NUSAP1: variants seen among roughly 807,000 people sequenced by gnomAD.
The protein encoded by NUSAP1 is nucleolar and spindle associated protein 1, also known as nucleolar and spindle-associated protein 1.
NUSAP1 carries 32 observed loss-of-function variants against 52.8 expected under a neutral mutation model. The ratio of observed to expected loss-of-function variants is 0.61; its 90% CI spans 0.46 to 0.81. The LOEUF is 0.81. Among genes scored for constraint, NUSAP1 ranks in the 40% least tolerant of loss-of-function variants. NUSAP1 has a pLI of 0.00. For synonymous variants in NUSAP1, 195 were observed against 183.1 expected, an observed-to-expected ratio of 1.06 and a Z score of -0.52; for missense variants, 499 against 522.3, an observed-to-expected ratio of 0.96 and a Z score of 0.43.
At chr15:41,366,431 G>A (rs564886221) in intron 7 of NUSAP1, among the ~76,000 whole-genome samples, 5 of 151,646 alleles carry the variant, frequency 3.3e-5, no homozygotes, top group Non-Finnish European at 7.4e-5. Flanking sequence ...CTACAGGCAC[G>A]TACCACCACA....
chr15:41,352,625 G>T (rs1448105716), intron 4 of NUSAP1, among the ~76,000 whole-genome samples: 2 of 151,856 alleles, frequency 1.3e-5, no homozygotes, highest in East Asian at 1.9e-4. Context: ...GTCTTGCTCT[G>T]TTGCCCAGGC....
At chr15:41,376,356 AC>A (rs2049934660) in intron 9 of NUSAP1, among the ~76,000 whole-genome samples, 1 of 151,148 alleles carries the variant, frequency 6.6e-6, no homozygotes, top group Non-Finnish European at 1.5e-5. Flanking sequence ...CCGAGATTGC[AC>A]CACTACACTC....
intron 1 of NUSAP1, among the ~76,000 whole-genome samples, chr15:41,335,942 A>C (rs2048111299): frequency 6.6e-6 from 1 of 150,770 alleles, no homozygotes; most frequent in African/African-American, 2.4e-5. Context: ...AAATCTTGAT[A>C]ATTTTACTAG....
intron 2 of NUSAP1, among the ~76,000 whole-genome samples, chr15:41,346,378 C>T (rs1662639181): frequency 6.6e-6 from 1 of 152,044 alleles, no homozygotes; most frequent in Admixed American, 6.6e-5. Context: ...GTGGCATAAT[C>T]ATGGCTTGCT....
In NUSAP1 at chr15:41,380,314, A is replaced by G. The variant is rs538818561; in HGVS notation, c.*128A>G. The G allele has an allele frequency of 1.6e-5, 10 of 627,022 alleles. No homozygotes were observed. In the South Asian group the frequency reaches 2.0e-4, roughly 12 times the overall value. The allele number at this position is 627,022 out of a possible 1,614,324, so 38.8% of individuals were successfully genotyped here. On this transcript the variant is annotated 3_prime_UTR_variant, in exon 11 of 11. Transcript: ENST00000559596. ...TCTGCTAACTGTTCATAGTCTGTGT[A>G]GTGTCCATGGGTTCTTCATGTGCTA... is the stretch of plus-strand genomic sequence containing the variant.
At chr15:41,336,793 C>T (rs1328227821) in intron 1 of NUSAP1, among the ~76,000 whole-genome samples, 2 of 150,012 alleles carry the variant, frequency 1.3e-5, no homozygotes, top group Admixed American at 6.7e-5. Context: ...ATTACAGGCA[C>T]GTGCCACCAC....
chr15:41,343,899 G>A (rs746638459), intron 2 of NUSAP1, among the ~76,000 whole-genome samples: 2 of 151,808 alleles, frequency 1.3e-5, no homozygotes, highest in Non-Finnish European at 2.9e-5. Context: ...ATGGTTAAGG[G>A]TACATGATTG....
Position 41,375,801 on chromosome 15 carries a change from C to T in NUSAP1, c.1096C>T (p.Arg366Cys), listed in dbSNP as rs758959794. The stretch of plus-strand genomic sequence containing the variant: ...GTTTGATCTTAAAGCAAGTTTGTCT[C>T]GTCCCCTCAACTATGAACCACACAA... ...PVFDLKASLS[R>C]PLNYEPHKGK... Residue 366 changes from arginine (R) to cysteine (C), a missense_variant, in exon 9 of 11, where the codon CGT becomes TGT. Coordinates refer to ENST00000559596, the MANE Select transcript of NUSAP1 (RefSeq NM_016359.5). The T allele has an allele frequency of 1.9e-6, 3 of 1,612,822 alleles. No individual in the cohort carries two copies. Among genetic ancestry groups the T allele is most frequent in the East Asian group, 2.2e-5 (1 of 44,888 alleles).
intron 3 of NUSAP1, among the ~76,000 whole-genome samples, chr15:41,349,849 C>T (rs2048717527): frequency 6.6e-6 from 1 of 150,842 alleles, no homozygotes; most frequent in South Asian, 2.1e-4. Flanking sequence ...TTACTGCAAC[C>T]TCCACCTCTC....
chr15:41,379,828 T>C (rs901035573), intron 10 of NUSAP1, among the ~76,000 whole-genome samples: 4 of 152,188 alleles, frequency 2.6e-5, no homozygotes, highest in African/African-American at 9.6e-5. Context: ...ATTTCAGGCA[T>C]GAGCCATCGC....
At chr15:41,365,226 G>A (rs1179659905) in intron 6 of NUSAP1, among the ~76,000 whole-genome samples, 176 bp from the exon 7 acceptor site, 4 of 151,688 alleles carry the variant, frequency 2.6e-5, no homozygotes, top group Non-Finnish European at 5.9e-5. Context: ...GTGTGATCTC[G>A]GCTCACTGCA....
Position 41,352,581 on chromosome 15 carries a change from A to G in NUSAP1, c.448+1452A>G, listed in dbSNP as rs574350941. Among the ~76,000 whole-genome samples, 11 of 151,676 alleles carry G rather than the reference A, an allele frequency of 7.3e-5. No homozygotes were observed. The South Asian group carries it at 2.3e-3, about 32-fold the overall frequency. ...GTCTCCCAGGTAATTTTTAATTTTT[A>G]TTTATTTATTTATTTATTTATTTTT... On this transcript the variant is annotated intron_variant, in intron 4 of 10. Coordinates refer to ENST00000559596, the MANE Select transcript of NUSAP1 (RefSeq NM_016359.5).
At chr15:41,333,731 G>A (rs1366971987) in intron 1 of NUSAP1, among the ~76,000 whole-genome samples, 2 of 152,102 alleles carry the variant, frequency 1.3e-5, no homozygotes, top group Non-Finnish European at 1.5e-5. Context: ...GACCAGCCTG[G>A]CCCTTAAAAA....
intron 4 of NUSAP1, among the ~76,000 whole-genome samples, chr15:41,352,336 C>T (rs1204776663): frequency 1.3e-5 from 2 of 152,018 alleles, no homozygotes; most frequent in Non-Finnish European, 2.9e-5. Context: ...GTATTAGTTT[C>T]ACCTGGGCAA....
chr15:41,345,621 G>A (rs1432607031), intron 2 of NUSAP1: 6 of 292,392 alleles, frequency 2.1e-5, no homozygotes, highest in South Asian at 1.6e-4. Flanking sequence ...CACCACACCC[G>A]GATAATTGTG....
At chr15:41,371,205 AGGAG>A (rs2049673476) in intron 7 of NUSAP1, among the ~76,000 whole-genome samples, 1 of 152,126 alleles carries the variant, frequency 6.6e-6, no homozygotes, top group Non-Finnish European at 1.5e-5. Flanking sequence ...GAGGAGGAGG[AGGAG>A]GAAGGGGAGC....
intron 6 of NUSAP1, among the ~76,000 whole-genome samples, chr15:41,359,953 G>A (rs1262818331): frequency 6.6e-6 from 1 of 151,132 alleles, no homozygotes; most frequent in Admixed American, 6.6e-5. Flanking sequence ...TGAAGGCACT[G>A]TTTGTCAAAC....
chr15:41,356,135 C>T lies in NUSAP1; in HGVS notation c.545C>T (p.Thr182Ile), dbSNP rs1364102273. 1.6e-5 allele frequency: 26 copies of T among 1,582,386 alleles called. No individual in the cohort carries two copies. The highest frequency in any genetic ancestry group is 2.2e-5 in the Non-Finnish European group (25 of 1,157,712). ...PGKNKRTAITTPNFKKLHEAH... is the reference protein window; with the variant it reads ...PGKNKRTAITIPNFKKLHEAH... ...AAAAATAAAAGAACTGCAATCACTA[C>T]TCCAAGTAAGTTTTGTAGACAAAGC... Residue 182 changes from threonine to isoleucine, a missense_variant, in exon 5 of 11, where the codon ACT (threonine) becomes ATT (isoleucine). Physicochemically the swap from Thr to Ile is moderately conservative, Grantham distance 89 (BLOSUM62 -1). Transcript: ENST00000559596.
At chr15:41,359,039 T>C (rs74012275) in intron 6 of NUSAP1, among the ~76,000 whole-genome samples, 2,377 of 152,222 alleles carry the variant, frequency 0.016, 72 homozygotes, top group African/African-American at 0.055. Flanking sequence ...GTTAGCAAAG[T>C]AGTGAGTAAC....
Sources: allele counts gnomAD v4.1 joint callset (sites outside exome capture counted in the v4.1 genomes callset), GRCh38; gene constraint gnomAD v4.1.1; transcripts MANE v1.5; gene names NCBI Gene and HGNC (gene_info 2026-07-23, HGNC 2026-07-21).